The following KIFC2 variants were observed in gnomAD, a reference collection of about 807,000 sequenced individuals.
KIFC2 encodes kinesin-like protein KIFC2.
A neutral mutation model predicts 91.5 loss-of-function variants in KIFC2; 94 were observed. The observed-to-expected ratio is 1.03, with a 90% CI of 0.87 to 1.22. The LOEUF is 1.22. Ranked by LOEUF, KIFC2 falls within the 50% of genes most tolerant of loss-of-function variation. The pLI is 0.00. For missense variants in KIFC2, 1,357 were observed against 1,103.3 expected (o/e 1.23, Z -3.26); for synonymous variants, 729 against 503.9 (o/e 1.45, Z -5.98).
At position 144,467,206 on chromosome 8, in the gene KIFC2, G is replaced by C; in HGVS notation, c.334G>C (p.Gly112Arg). The part of the protein sequence containing the change: ...CGGPADLGQS[G>R]EVPSLLTVTS... ...CGGATTCTTGTCTCCTTCGCAGTCT[G>C]GCGAGGTCCCCTCACTGTTGACAGT... The change falls in exon 4 of 18, where the codon GGC becomes CGC. Residue 112 changes from glycine to arginine, a missense_variant. Transcript: ENST00000645548. The C allele has an allele frequency of 6.2e-7, 1 of 1,613,602 alleles. No individual in the cohort carries two copies. Among genetic ancestry groups the C allele is most frequent in the Non-Finnish European group, 8.5e-7 (1 of 1,180,024 alleles).
chr8:144,467,743 G>A lies in KIFC2; in HGVS notation c.645G>A (p.Gln215=). 6.2e-7 allele frequency: 1 copy of A among 1,613,912 alleles called. No individual in the cohort carries two copies. The highest frequency in any genetic ancestry group is 8.5e-7 in the Non-Finnish European group (1 of 1,180,006). Residue 215 remains glutamine, a synonymous_variant, in exon 6 of 18, where the codon CAG becomes CAA. Coordinates refer to ENST00000645548, the MANE Select transcript of KIFC2 (RefSeq NM_001369769.2). ...AGGAGCTGAAGCAGCAGCTGGAACAGCAGGAGGAGGAGTTGGGTCGACTGC... is the reference window on the plus strand; with the variant it reads ...AGGAGCTGAAGCAGCAGCTGGAACAACAGGAGGAGGAGTTGGGTCGACTGC... ...QLEELKQQLE[Q]QEEELGRLRL...
rs528964726 is a variant in KIFC2, at chr8:144,466,966, C to A, written c.186C>A (p.Ser62=). 2.2e-5 allele frequency: 35 copies of A among 1,594,154 alleles called. No individual in the cohort carries two copies. In the East Asian group the frequency reaches 7.9e-4, roughly 36 times the overall value. The change falls in exon 3 of 18, where the codon TCC becomes TCA. Residue 62 remains serine, a synonymous_variant. Transcript: ENST00000645548. ...WTELTGLAAS[S]EPEDGSEGAA... ...CTCCTCCCTGACCGGCAGCCAGCTC[C>A]GAGCCTGAGGATGGGTCGGAAGGCG...
At chr8:144,468,980 A>G (rs983433090) in intron 10 of KIFC2, 146 bp downstream of exon 10, 2 of 670,796 alleles carry the variant, frequency 3.0e-6, no homozygotes, top group Non-Finnish European at 5.1e-6. Context: ...GTGGGATTCC[A>G]CTTCTGGGCC....
rs2130029590 is a variant in KIFC2, at chr8:144,473,597, C to T, written c.*208C>T. ...AAGTGATCACCCCCCGCCCCCAGCC[C>T]TGCATCAGGCCACAGGTCTTGGCTT... is the stretch of plus-strand genomic sequence containing the variant. On this transcript the variant is annotated 3_prime_UTR_variant, in exon 18 of 18. Coordinates refer to ENST00000645548, the MANE Select transcript of KIFC2 (RefSeq NM_001369769.2). 1.5e-6 allele frequency: 1 copy of T among 683,032 alleles called. No homozygotes were observed. The highest frequency in any genetic ancestry group is 3.2e-5 in the East Asian group (1 of 30,942). The allele number at this position is 683,032 out of a possible 1,614,324, so 42.3% of individuals were successfully genotyped here. A position where few individuals can be genotyped will look rare whatever the true frequency, so the allele number is the denominator to read the frequency against.
chr8:144,471,435 C>G (rs751342506), intron 12 of KIFC2, among the ~76,000 whole-genome samples: 1 of 151,934 alleles, frequency 6.6e-6, no homozygotes, highest in Admixed American at 6.6e-5. Context: ...CTCAGCCTCC[C>G]GAGTAGCTGG....
Position 144,468,634 on chromosome 8 carries a change from G to A in KIFC2, c.987G>A (p.Met329Ile), listed in dbSNP as rs759463107. ...EQNCRRELQQMHGQLAGLRAR... is the reference protein window; with the variant it reads ...EQNCRRELQQIHGQLAGLRAR... ...ACTGCAGGCGTGAGCTACAGCAGAT[G>A]CATGGGCAGCTGGCAGGTAAGGGTT... Residue 329 changes from methionine to isoleucine, a missense_variant, in exon 9 of 18, where the codon ATG becomes ATA. Met to Ile is a conservative substitution (Grantham distance 10). Coordinates refer to ENST00000645548, the MANE Select transcript of KIFC2 (RefSeq NM_001369769.2). 3.7e-6 allele frequency: 6 copies of A among 1,613,580 alleles called. No homozygotes were observed. The highest frequency in any genetic ancestry group is 2.2e-5 in the South Asian group (2 of 91,062).
At position 144,466,417 on chromosome 8, in the gene KIFC2, C is replaced by G; in HGVS notation, c.-3C>G. On this transcript the variant is annotated 5_prime_UTR_variant, in exon 1 of 18. Coordinates refer to ENST00000645548, the MANE Select transcript of KIFC2 (RefSeq NM_001369769.2). ...GCGGGGCCCTCTGCCGCCCCGCGCT[C>G]CCATGTACGCCTTTTACTCGTTGCT... The G allele has an allele frequency of 6.1e-6, 8 of 1,311,292 alleles. No individual in the cohort carries two copies. Among genetic ancestry groups the G allele is most frequent in the Non-Finnish European group, 7.9e-6 (8 of 1,011,874 alleles). The allele number at this position is 1,311,292 out of a possible 1,614,324, so 81.2% of individuals were successfully genotyped here.
intron 7 of KIFC2, 21 bp downstream of exon 7, chr8:144,468,008 A>C: frequency 6.6e-7 from 1 of 1,520,572 alleles, no homozygotes; most frequent in South Asian, 1.3e-5. Flanking sequence ...CCCGAGCTGC[A>C]GCCGTTCCTG....
At position 144,467,848 on chromosome 8, in the gene KIFC2, C is replaced by G. The variant is rs779294448; in HGVS notation, c.682-11C>G. 5.6e-6 allele frequency: 9 copies of G among 1,613,336 alleles called. No individual in the cohort carries two copies. The African/African-American group carries it at 8.0e-5, about 14-fold the overall frequency. ...TGCTTCAGGTGAGTGCCGAGGTTTC[C>G]TCTCCACCAGGGGGCGACGGACTCA... On this transcript the variant is annotated splice_polypyrimidine_tract_variant and intron_variant, in intron 6 of 17. Transcript: ENST00000645548.
rs1050798851 is a variant in KIFC2 at position 144,474,071 on chromosome 8, G to C, written c.*682G>C. 2 of 615,800 alleles carry C rather than the reference G, an allele frequency of 3.2e-6. No individual in the cohort carries two copies. The highest frequency in any genetic ancestry group is 3.7e-5 in the African/African-American group (2 of 54,104). The allele number at this position is 615,800 out of a possible 1,614,324, so 38.1% of individuals were successfully genotyped here. ...CAGGGTGAGGGTTGTGCCCAGCTGGGCCACGGCCATGCGTGGGGTGGCCCA... is the reference window on the plus strand; with the variant it reads ...CAGGGTGAGGGTTGTGCCCAGCTGGCCCACGGCCATGCGTGGGGTGGCCCA... On this transcript the variant is annotated 3_prime_UTR_variant, in exon 18 of 18. Coordinates refer to ENST00000645548, the MANE Select transcript of KIFC2 (RefSeq NM_001369769.2).
rs1166422992 is a variant in KIFC2, at chr8:144,472,853, C to T, written c.1920C>T (p.Ala640=). 7.1e-6 allele frequency: 11 copies of T among 1,546,418 alleles called. No homozygotes were observed. The East Asian group carries it at 1.7e-4, about 24-fold the overall frequency. The change falls in exon 17 of 18, where the codon GCC becomes GCT. Residue 640 remains alanine (A), a synonymous_variant. Coordinates refer to ENST00000645548, the MANE Select transcript of KIFC2 (RefSeq NM_001369769.2). ...AACGCGCACGGAAGGCAGGGGCGGC[C>T]GGCCCGCCGCGGGGAGACCCAGACG... ...GSERARKAGA[A]GPPRGDPDGA...
At chr8:144,468,895 C>CG in intron 10 of KIFC2, 61 bp downstream of exon 10, 1 of 1,402,804 alleles carries the variant, frequency 7.1e-7, no homozygotes, top group Non-Finnish European at 1.0e-6. Flanking sequence ...GTTCTTTTGA[C>CG]GGGGGCGTTC....
At position 144,473,447 on chromosome 8, in the gene KIFC2, G is replaced by A. The variant is rs1825025988; in HGVS notation, c.*58G>A. ...GGCCAGGTCTCTGCTGGCAGAGGCGGTAGTAAAGTCCCTGTACCCCGTCTC... is the reference window on the plus strand; with the variant it reads ...GGCCAGGTCTCTGCTGGCAGAGGCGATAGTAAAGTCCCTGTACCCCGTCTC... On this transcript the variant is annotated 3_prime_UTR_variant, in exon 18 of 18. Coordinates refer to ENST00000645548, the MANE Select transcript of KIFC2 (RefSeq NM_001369769.2). 4 of 1,520,628 alleles carry A rather than the reference G, an allele frequency of 2.6e-6. No individual in the cohort carries two copies. Among genetic ancestry groups the A allele is most frequent in the East Asian group, 4.8e-5 (2 of 41,512 alleles). 94.2% of individuals were successfully genotyped at this position (1,520,628 alleles called of 1,614,324 possible).
intron 12 of KIFC2, among the ~76,000 whole-genome samples, chr8:144,469,924 C>CA (rs1333850750): frequency 3.3e-5 from 5 of 152,256 alleles, no homozygotes; most frequent in Admixed American, 6.5e-5. Flanking sequence ...TTTATGGCCC[C>CA]AAGGCAGGCG....
intron 7 of KIFC2, 44 bp downstream of exon 7, chr8:144,468,031 C>G: frequency 6.7e-7 from 1 of 1,493,086 alleles, no homozygotes; most frequent in South Asian, 1.3e-5. Flanking sequence ...GCCTGGGGCT[C>G]TTGCACACCT....
Position 144,472,485 on chromosome 8 carries a change from G to A in KIFC2, c.1731+1G>A. The stretch of plus-strand genomic sequence containing the variant: ...GCCCAACCTGGAGACATTGCACCAG[G>A]TAGGGCTGCACCGCTCTCCGAGACC... On this transcript the variant is annotated splice_donor_variant, in intron 15 of 17. Transcript: ENST00000645548. LOFTEE classifies it high-confidence loss of function. 1 of 1,611,858 alleles carries A rather than the reference G, an allele frequency of 6.2e-7. No homozygotes were observed. The highest frequency in any genetic ancestry group is 2.2e-5 in the East Asian group (1 of 44,864).
rs770595853 is a variant in KIFC2, at chr8:144,472,966, C to T, written c.2033C>T (p.Pro678Leu). The stretch of plus-strand genomic sequence containing the variant: ...ATGGCCGCACTGCGGGCCCACCGGC[C>T]GCACGTGCCCTTCCGCGACTCGCAG... Reference protein sequence around the residue: ...GVMAALRAHRPHVPFRDSQLT... With the variant: ...GVMAALRAHRLHVPFRDSQLT... Residue 678 changes from proline (P) to leucine (L), a missense_variant, in exon 17 of 18, where the codon CCG becomes CTG. Coordinates refer to ENST00000645548, the MANE Select transcript of KIFC2 (RefSeq NM_001369769.2). 18 of 1,459,964 alleles carry T rather than the reference C, an allele frequency of 1.2e-5. No homozygotes were observed. In the South Asian group the frequency reaches 2.3e-4, roughly 19 times the overall value. 90.4% of individuals were successfully genotyped at this position (1,459,964 alleles called of 1,614,324 possible).
rs759847313 is a variant in KIFC2 at position 144,467,597 on chromosome 8, G to A, written c.582G>A (p.Ala194=). The change falls in exon 5 of 18, where the codon GCG becomes GCA. Residue 194 remains alanine, a synonymous_variant. Coordinates refer to ENST00000645548, the MANE Select transcript of KIFC2 (RefSeq NM_001369769.2). ...QPLQLEEDQR[A]WQRLEQLILG... ...TCCAGTTGGAGGAGGATCAGAGGGC[G>A]TGGCAGCGGCTGGAGCAGCTCATCC... The A allele has an allele frequency of 2.5e-6, 4 of 1,600,078 alleles. No individual in the cohort carries two copies. Among genetic ancestry groups the A allele is most frequent in the Admixed American group, 1.7e-5 (1 of 58,130 alleles).
At chr8:144,471,654 C>G (rs186074095) in intron 12 of KIFC2, among the ~76,000 whole-genome samples, 13 of 152,280 alleles carry the variant, frequency 8.5e-5, no homozygotes, top group Non-Finnish European at 1.5e-4. Context: ...ACTGCTGTCC[C>G]CAGGTCTCCT....
Sources: gnomAD v4.1 joint callset for allele counts (sites outside exome capture counted in the v4.1 genomes callset) on GRCh38, gnomAD v4.1.1 for gene constraint, MANE v1.5 for transcripts, NCBI Gene and HGNC (gene_info 2026-07-23, HGNC 2026-07-21) for gene names.